ABCC1: variants seen among roughly 807,000 people sequenced by gnomAD.
ABCC1 encodes multidrug resistance-associated protein 1.
ABCC1 carries 83 observed loss-of-function variants against 172.9 expected under a neutral mutation model. That is an observed-to-expected ratio of 0.48 (90% CI 0.40 to 0.58). The LOEUF is 0.58. Ranked by LOEUF, ABCC1 falls within the 20% of genes least tolerant of loss-of-function variation. ABCC1 has a pLI of 0.00. For synonymous variants in ABCC1, 937 were observed against 825.2 expected, an observed-to-expected ratio of 1.14 and a Z score of -2.32; for missense variants, 1,817 against 2,002.7, an observed-to-expected ratio of 0.91 and a Z score of 1.77.
rs376233613 is a variant in ABCC1, at chr16:16,068,306, C to A, written c.1824+4C>A. On this transcript the variant is annotated splice_donor_region_variant and intron_variant, in intron 13 of 30. Coordinates refer to ENST00000399410, the MANE Select transcript of ABCC1 (RefSeq NM_004996.4). Reference sequence around the variant, plus strand: ...GGTCATCAGCAGCATCGTGCAGGTACAGGGGGAAGCTGGGGCGACTTCCGA... The same window carrying A: ...GGTCATCAGCAGCATCGTGCAGGTAAAGGGGGAAGCTGGGGCGACTTCCGA... The A allele has an allele frequency of 3.5e-5, 56 of 1,613,608 alleles. No individual in the cohort carries two copies. The highest frequency in any genetic ancestry group is 4.5e-5 in the Non-Finnish European group (53 of 1,179,842).
rs2046121543 is a variant in ABCC1 at position 16,141,395 on chromosome 16, C to G, written c.*114C>G. 1 of 963,000 alleles carries G rather than the reference C, an allele frequency of 1.0e-6. No homozygotes were observed. Among genetic ancestry groups the G allele is most frequent in the Admixed American group, 2.4e-5 (1 of 41,296 alleles). The allele number at this position is 963,000 out of a possible 1,614,324, so 59.7% of individuals were successfully genotyped here. A position where few individuals can be genotyped will look rare whatever the true frequency, so the allele number is the denominator to read the frequency against. ...CCACACTGAAACCAAAACATAAAAA[C>G]CAAACCCAGACAACCAAAACATATT... On this transcript the variant is annotated 3_prime_UTR_variant, in exon 31 of 31. Coordinates refer to ENST00000399410, the MANE Select transcript of ABCC1 (RefSeq NM_004996.4).
At chr16:16,057,445 A>G (rs1025058129) in intron 12 of ABCC1, among the ~76,000 whole-genome samples, 2 of 151,586 alleles carry the variant, frequency 1.3e-5, no homozygotes, top group African/African-American at 2.4e-5. Context: ...TCAGCTCCAG[A>G]TGGGCATTTT....
chr16:16,076,867 G>A (rs45557934), intron 15 of ABCC1, among the ~76,000 whole-genome samples: 3,279 of 152,292 alleles, frequency 0.022, 59 homozygotes, highest in African/African-American at 0.042. Context: ...AGAACTGCCT[G>A]CTTCTTATTG....
At chr16:16,096,974 G>A (rs891783482) in intron 19 of ABCC1, among the ~76,000 whole-genome samples, 5 of 152,176 alleles carry the variant, frequency 3.3e-5, no homozygotes, top group Middle Eastern at 3.4e-3. Context: ...CTGGCCCCCA[G>A]CCTTCATGTC....
At chr16:16,042,107 A>G (rs1440528832) in intron 7 of ABCC1, among the ~76,000 whole-genome samples, 2 of 149,972 alleles carry the variant, frequency 1.3e-5, no homozygotes, top group Non-Finnish European at 1.5e-5. Flanking sequence ...GCTTAGGGCC[A>G]TTTTGGACTG....
In ABCC1 at chr16:16,008,007, G is replaced by C; in HGVS notation, c.225+15G>C. The C allele has an allele frequency of 1.7e-6, 1 of 595,312 alleles. No individual in the cohort carries two copies. The highest frequency in any genetic ancestry group is 2.8e-6 in the Non-Finnish European group (1 of 353,248). 36.9% of individuals were successfully genotyped at this position (595,312 alleles called of 1,614,324 possible). A position where few individuals can be genotyped will look rare whatever the true frequency, so the allele number is the denominator to read the frequency against. ...AAACCAAAACTGTAAGTCACTGGGG[G>C]GTTTCGTTGTGGGGGGTGGGAAGGT... On this transcript the variant is annotated intron_variant, in intron 2 of 30. Transcript: ENST00000399410.
intron 16 of ABCC1, 123 bp from the exon 17 acceptor site, chr16:16,083,243 A>G (rs1022970203): frequency 5.1e-6 from 5 of 978,440 alleles, no homozygotes; most frequent in East Asian, 2.4e-5. Context: ...TGCCAAAGCA[A>G]TAGTTGTGAT....
rs1479888853 is a variant in ABCC1 at position 16,065,436 on chromosome 16, T to C, written c.1678-2720T>C. On this transcript the variant is annotated intron_variant, in intron 12 of 30. Coordinates refer to ENST00000399410, the MANE Select transcript of ABCC1 (RefSeq NM_004996.4). ...CCACTATGCTTGACTTATTTATTAA[T>C]ATTATTGTTGTTTTGAGACGGAGTC... 5.3e-5 allele frequency among the ~76,000 whole-genome samples: 8 copies of C among 152,062 alleles called. No individual in the cohort carries two copies. The East Asian group carries it at 1.6e-3, about 29-fold the overall frequency.
At chr16:15,984,183 G>T (rs945584396) in intron 1 of ABCC1, among the ~76,000 whole-genome samples, 1 of 152,174 alleles carries the variant, frequency 6.6e-6, no homozygotes, top group South Asian at 2.1e-4. Context: ...TCCGTGGTAG[G>T]GTGGGATGCT....
At chr16:16,097,615 G>A (rs1255740344) in intron 19 of ABCC1, among the ~76,000 whole-genome samples, 10 of 152,206 alleles carry the variant, frequency 6.6e-5, no homozygotes, top group Admixed American at 5.9e-4. Flanking sequence ...GAGAAAATAG[G>A]AGTGGATTTC....
At chr16:15,988,824 T>C (rs152025) in intron 1 of ABCC1, among the ~76,000 whole-genome samples, 89,312 of 151,834 alleles carry the variant, frequency 0.59, 27,965 homozygotes, top group South Asian at 0.73. Context: ...TCCAGCACTT[T>C]GGGAGCCCTG....
At position 15,971,227 on chromosome 16, in the gene ABCC1, G is replaced by A. The variant is rs1024135159; in HGVS notation, c.48+21428G>A. On this transcript the variant is annotated intron_variant, in intron 1 of 30. Coordinates refer to ENST00000399410, the MANE Select transcript of ABCC1 (RefSeq NM_004996.4). ...TGGTTTGACTAGGCATGTCTTTCACGTAGCGCATGAAAAAGCTGGCCCTCC... is the reference window on the plus strand; with the variant it reads ...TGGTTTGACTAGGCATGTCTTTCACATAGCGCATGAAAAAGCTGGCCCTCC... Among the ~76,000 whole-genome samples the A allele has an allele frequency of 7.2e-5, 11 of 152,132 alleles. 1 individual carries two copies. The highest frequency in any genetic ancestry group is 4.1e-4 in the South Asian group (2 of 4,830).
intron 20 of ABCC1, among the ~76,000 whole-genome samples, chr16:16,105,138 G>A (rs1280882922): frequency 2.0e-5 from 3 of 152,244 alleles, no homozygotes. Flanking sequence ...AGGCCGAGGA[G>A]GCACAGAGAG....
chr16:16,088,498 C>T (rs2051108062), intron 18 of ABCC1, among the ~76,000 whole-genome samples: 2 of 152,158 alleles, frequency 1.3e-5, no homozygotes, highest in Admixed American at 1.3e-4. Flanking sequence ...TCCTGCATCC[C>T]TAATCTTTAA....
chr16:16,029,876 A>C (rs1335169206), intron 5 of ABCC1, among the ~76,000 whole-genome samples: 3 of 152,202 alleles, frequency 2.0e-5, no homozygotes, highest in Non-Finnish European at 4.4e-5. Flanking sequence ...ATGTGACTGT[A>C]ATACTAACTT....
chr16:15,972,326 G>T (rs1203422453), intron 1 of ABCC1, among the ~76,000 whole-genome samples: 1 of 152,156 alleles, frequency 6.6e-6, no homozygotes, highest in African/African-American at 2.4e-5. Context: ...TCAAGAAACA[G>T]CCCTACTTCA....
intron 1 of ABCC1, among the ~76,000 whole-genome samples, chr16:15,972,511 T>C (rs2046392532): frequency 6.6e-6 from 1 of 152,106 alleles, no homozygotes; most frequent in African/African-American, 2.4e-5. Context: ...CTAGGCAATA[T>C]ATCTGGGTTC....
chr16:15,968,810 CCT>C (rs1567278668), intron 1 of ABCC1, among the ~76,000 whole-genome samples: 1 of 152,114 alleles, frequency 6.6e-6, no homozygotes, highest in Non-Finnish European at 1.5e-5. Context: ...GCAGCCATGA[CCT>C]CTCAGGCTCA....
chr16:15,994,244 C>G (rs577595301), intron 1 of ABCC1, among the ~76,000 whole-genome samples: 1 of 152,090 alleles, frequency 6.6e-6, no homozygotes, highest in Non-Finnish European at 1.5e-5. Flanking sequence ...GCTGACCAAA[C>G]AAACCAAAAG....
Sources: allele counts gnomAD v4.1 joint callset (sites outside exome capture counted in the v4.1 genomes callset), GRCh38; gene constraint gnomAD v4.1.1; transcripts MANE v1.5; gene names NCBI Gene and HGNC (gene_info 2026-07-23, HGNC 2026-07-21).